Variants in GRM3 observed in about 807,000 individuals in gnomAD.
The protein encoded by GRM3 is metabotropic glutamate receptor 3.
GRM3 carries 26 observed loss-of-function variants against 70.5 expected under a neutral mutation model. That is an observed-to-expected ratio of 0.37 (90% CI 0.27 to 0.51). The LOEUF is 0.51. GRM3 is among the 20% of genes least tolerant of loss of function. GRM3 has a pLI of 0.93. For missense variants in GRM3, 859 were observed against 1,123.8 expected (o/e 0.76, Z 3.37); for synonymous variants, 443 against 434.9 (o/e 1.02, Z -0.23).
At chr7:86,747,172 C>A (rs535353317) in intron 1 of GRM3, among the ~76,000 whole-genome samples, 22 of 152,150 alleles carry the variant, frequency 1.4e-4, no homozygotes, top group African/African-American at 5.3e-4. Context: ...AAGCCTTGAG[C>A]CATGCAGCGA....
At chr7:86,774,189 A>G (rs150614378) in intron 2 of GRM3, among the ~76,000 whole-genome samples, 13 of 152,218 alleles carry the variant, frequency 8.5e-5, no homozygotes, top group African/African-American at 3.1e-4. Flanking sequence ...GATATGTACA[A>G]TTTCAGTATT....
intron 1 of GRM3, among the ~76,000 whole-genome samples, chr7:86,738,918 C>T (rs1042362875): frequency 3.9e-5 from 6 of 152,102 alleles, no homozygotes; most frequent in East Asian, 1.9e-4. Flanking sequence ...CTACTTTGTT[C>T]GCAATTCAAG....
intron 3 of GRM3, among the ~76,000 whole-genome samples, chr7:86,813,263 A>G (rs1343451422): frequency 6.6e-6 from 1 of 151,874 alleles, no homozygotes; most frequent in East Asian, 1.9e-4. Context: ...GGCCTAACTC[A>G]GTAATTAATT....
At chr7:86,818,961 GA>G (rs1378006310) in intron 3 of GRM3, among the ~76,000 whole-genome samples, 1 of 152,094 alleles carries the variant, frequency 6.6e-6, no homozygotes, top group African/African-American at 2.4e-5. Flanking sequence ...TCTCTAATCA[GA>G]AGTGGGCAGA....
chr7:86,849,019 G>T (rs775132058), intron 4 of GRM3, among the ~76,000 whole-genome samples: 2 of 152,134 alleles, frequency 1.3e-5, no homozygotes, highest in Non-Finnish European at 2.9e-5. Flanking sequence ...TAAAGTGTGT[G>T]AGTAGTTTTA....
intron 1 of GRM3, among the ~76,000 whole-genome samples, chr7:86,713,485 C>T (rs1298274390): frequency 2.0e-5 from 3 of 151,882 alleles, no homozygotes; most frequent in Admixed American, 2.0e-4. Context: ...AACAGTTTCC[C>T]CATGAAAGCC....
At chr7:86,730,707 T>C (rs1210565918) in intron 1 of GRM3, among the ~76,000 whole-genome samples, 1 of 152,220 alleles carries the variant, frequency 6.6e-6, no homozygotes, top group Admixed American at 6.5e-5. Flanking sequence ...CCGTTTTGCA[T>C]GCTAACCTAC....
chr7:86,742,019 G>A (rs1442603412), intron 1 of GRM3, among the ~76,000 whole-genome samples: 1 of 152,142 alleles, frequency 6.6e-6, no homozygotes, highest in East Asian at 1.9e-4. Flanking sequence ...GGCAGGGCTT[G>A]GTGGAGACAA....
chr7:86,730,236 C>T (rs994094618), intron 1 of GRM3, among the ~76,000 whole-genome samples: 4 of 152,110 alleles, frequency 2.6e-5, no homozygotes, highest in Non-Finnish European at 5.9e-5. Context: ...GCCTGGCCAA[C>T]ATGGTGAAAC....
At chr7:86,647,276 T>C (rs941082433) in intron 1 of GRM3, among the ~76,000 whole-genome samples, 7 of 152,224 alleles carry the variant, frequency 4.6e-5, no homozygotes, top group African/African-American at 1.4e-4. Context: ...TTGTCTTTCT[T>C]GTCCATTCTT....
chr7:86,824,736 A>G (rs1798196709), intron 3 of GRM3, among the ~76,000 whole-genome samples: 2 of 152,178 alleles, frequency 1.3e-5, no homozygotes, highest in Non-Finnish European at 2.9e-5. Flanking sequence ...ACAATGCCCC[A>G]TCTCCTGGTT....
chr7:86,742,448 C>T (rs957219283), intron 1 of GRM3, among the ~76,000 whole-genome samples: 2 of 152,036 alleles, frequency 1.3e-5, no homozygotes, highest in Admixed American at 1.3e-4. Context: ...AGATGTACAA[C>T]CACTTCTCTT....
intron 3 of GRM3, among the ~76,000 whole-genome samples, chr7:86,798,624 G>C (rs1461434697): frequency 6.6e-6 from 1 of 152,196 alleles, no homozygotes; most frequent in Non-Finnish European, 1.5e-5. Context: ...ATGAGACTTT[G>C]ACTGTGGACT....
rs183531076 is a variant in GRM3, at chr7:86,661,434, C to T, written c.-141+16562C>T. ...GGGCCCTGCGGTAGGTGCTGGGGAT[C>T]TGTCAATCTGTAGCTAATAGTTCTG... is the stretch of plus-strand genomic sequence containing the variant. On this transcript the variant is annotated intron_variant, in intron 1 of 5. Coordinates refer to ENST00000361669, the MANE Select transcript of GRM3 (RefSeq NM_000840.3). 3.4e-3 allele frequency among the ~76,000 whole-genome samples: 524 copies of T among 152,002 alleles called. 5 individuals carry two copies. The highest frequency in any genetic ancestry group is 0.012 in the African/African-American group (505 of 41,506).
intron 5 of GRM3, among the ~76,000 whole-genome samples, chr7:86,859,628 C>T (rs892512625): frequency 1.3e-5 from 2 of 152,082 alleles, no homozygotes; most frequent in African/African-American, 2.4e-5. Flanking sequence ...ATGTCTGTTC[C>T]GTTGAAATGT....
At chr7:86,821,343 C>T (rs928254559) in intron 3 of GRM3, among the ~76,000 whole-genome samples, 2 of 152,118 alleles carry the variant, frequency 1.3e-5, no homozygotes, top group African/African-American at 2.4e-5. Flanking sequence ...TGACTAACAG[C>T]ACAGTGGTTA....
rs531068667 is a variant in GRM3 at position 86,779,422 on chromosome 7, G to GCA, written c.469-6822_469-6821dup. Among the ~76,000 whole-genome samples the GCA allele has an allele frequency of 4.1e-4, 61 of 150,502 alleles. 1 individual carries two copies. The highest frequency in any genetic ancestry group is 9.3e-4 in the Admixed American group (14 of 15,104). ...GTCGTGTGTGCATGTGCACACGTGC[G>GCA]CACACACACACACACACAAACCCAT... On this transcript the variant is annotated intron_variant, in intron 2 of 5. Transcript: ENST00000361669.
At chr7:86,772,306 G>T (rs1398731016) in intron 2 of GRM3, among the ~76,000 whole-genome samples, 1 of 151,994 alleles carries the variant, frequency 6.6e-6, no homozygotes, top group Non-Finnish European at 1.5e-5. Flanking sequence ...TGGATTAAGG[G>T]TCACAACCAT....
chr7:86,672,942 T>C (rs1794209237), intron 1 of GRM3, among the ~76,000 whole-genome samples: 1 of 152,184 alleles, frequency 6.6e-6, no homozygotes, highest in Admixed American at 6.6e-5. Context: ...CAGTATCTTT[T>C]AGATCAATAT....
Sources: allele counts gnomAD v4.1 joint callset (sites outside exome capture counted in the v4.1 genomes callset), GRCh38; gene constraint gnomAD v4.1.1; transcripts MANE v1.5; gene names NCBI Gene and HGNC (gene_info 2026-07-23, HGNC 2026-07-21).